Variants in EML1 observed in about 807,000 individuals in gnomAD.
EML1 encodes the protein EMAP like 1, also known as echinoderm microtubule-associated protein-like 1.
Under a neutral mutation model 110.4 loss-of-function variants are expected in EML1, and 27 were observed. The ratio of observed to expected loss-of-function variants is 0.24; its 90% CI spans 0.18 to 0.34. EML1 has a LOEUF of 0.34. Ranked by LOEUF, EML1 falls within the 10% of genes least tolerant of loss-of-function variation. EML1 has a pLI of 1.00. For synonymous variants in EML1, 344 were observed against 385.8 expected (o/e 0.89, Z 1.27); for missense variants, 741 against 1,030.9 (o/e 0.72, Z 3.85).
chr14:99,824,215 C>T (rs1444455948), intron 1 of EML1, among the ~76,000 whole-genome samples: 1 of 152,232 alleles, frequency 6.6e-6, no homozygotes, highest in East Asian at 1.9e-4. Context: ...CCGCCTCAGC[C>T]TCCCAAAGTG....
At chr14:99,935,143 G>A (rs1384666667) in intron 17 of EML1, among the ~76,000 whole-genome samples, 1 of 152,184 alleles carries the variant, frequency 6.6e-6, no homozygotes, top group Non-Finnish European at 1.5e-5. Flanking sequence ...TTCAGTGATT[G>A]GGACAGGGAG....
chr14:99,739,091 T>TGTGTGTGTGTGAGA (rs112232539), intron 1 of EML1, among the ~76,000 whole-genome samples: 1 of 136,400 alleles, frequency 7.3e-6, no homozygotes, highest in Non-Finnish European at 1.6e-5. Flanking sequence ...TGTGTGTGTG[T>TGTGTGTGTGTGAGA]GAGAGAGAGA....
At position 99,875,041 on chromosome 14, in the gene EML1, C is replaced by T. The variant is rs2059267006; in HGVS notation, c.384-3444C>T. On this transcript the variant is annotated intron_variant, in intron 3 of 21. Transcript: ENST00000262233. ...CCATAGCTGTTCCTTCCATTGTTTC[C>T]ATCTCTGTTTTAACGTAGTAGCTTC... 3.2e-6 allele frequency: 5 copies of T among 1,571,392 alleles called. No homozygotes were observed. The South Asian group carries it at 3.4e-5, about 11-fold the overall frequency.
chr14:99,873,370 A>G (rs1415415766), intron 3 of EML1, among the ~76,000 whole-genome samples: 1 of 152,246 alleles, frequency 6.6e-6, no homozygotes, highest in Non-Finnish European at 1.5e-5. Context: ...CAGCATTTGT[A>G]ATTGCACTGA....
chr14:99,870,599 C>T (rs1654144765), intron 3 of EML1, among the ~76,000 whole-genome samples: 1 of 152,164 alleles, frequency 6.6e-6, no homozygotes, highest in Admixed American at 6.5e-5. Context: ...CTTGTTAGGG[C>T]CTGATGTGGC....
rs540442473 is a variant in EML1, at chr14:99,794,827, T to C, written c.67+1284T>C. On this transcript the variant is annotated intron_variant, in intron 1 of 21. Coordinates refer to ENST00000262233, the MANE Select transcript of EML1 (RefSeq NM_004434.3). ...AGCCTCAGAAGGTGTTGAGGGCAGG[T>C]AGAATGTATTTGGTATGCTGGTGGT... Among the ~76,000 whole-genome samples, 3 of 152,282 alleles carry C rather than the reference T, an allele frequency of 2.0e-5. No individual in the cohort carries two copies. In the South Asian group the frequency reaches 6.2e-4, roughly 32 times the overall value.
intron 2 of EML1, among the ~76,000 whole-genome samples, chr14:99,852,873 T>C (rs2058835655): frequency 6.6e-6 from 1 of 152,220 alleles, no homozygotes; most frequent in Non-Finnish European, 1.5e-5. Context: ...ATAATCATTT[T>C]AAGTAATCTT....
chr14:99,910,899 C>A (rs1000238933), intron 12 of EML1, among the ~76,000 whole-genome samples: 2 of 152,148 alleles, frequency 1.3e-5, no homozygotes, highest in African/African-American at 2.4e-5. Flanking sequence ...GGAAAATCCA[C>A]CATCCCTTTT....
intron 17 of EML1, among the ~76,000 whole-genome samples, chr14:99,928,213 T>TG: frequency 1.1e-5 from 1 of 91,612 alleles, no homozygotes; most frequent in African/African-American, 4.5e-5. Context: ...GTGGTGATGG[T>TG]GATGGTGGTG....
rs141910618 is a variant in EML1, at chr14:99,838,792, CTT to C, written c.68-12060_68-12059del. On this transcript the variant is annotated intron_variant, in intron 1 of 21. Coordinates refer to ENST00000262233, the MANE Select transcript of EML1 (RefSeq NM_004434.3). The stretch of plus-strand genomic sequence containing the variant: ...TATTTTCTGCTCAGCTGCAGGATCT[CTT>C]GTTTGCTTTAAAACTGTAAAGTGGA... Among the ~76,000 whole-genome samples, 924 of 152,260 alleles carry C rather than the reference CTT, an allele frequency of 6.1e-3. 12 individuals carry two copies. The highest frequency in any genetic ancestry group is 0.021 in the African/African-American group (855 of 41,554).
intron 1 of EML1, among the ~76,000 whole-genome samples, chr14:99,746,132 C>T (rs2057104925): frequency 6.6e-6 from 1 of 152,208 alleles, no homozygotes; most frequent in Admixed American, 6.5e-5. Flanking sequence ...GTTATCATTC[C>T]ATTTTATAGA....
At chr14:99,787,515 G>T (rs1232930654) in intron 1 of EML1, among the ~76,000 whole-genome samples, 1 of 152,070 alleles carries the variant, frequency 6.6e-6, no homozygotes, top group Non-Finnish European at 1.5e-5. Flanking sequence ...CTGACCTCAG[G>T]TGATCTGCCT....
chr14:99,934,978 G>T (rs1211425016), intron 17 of EML1, among the ~76,000 whole-genome samples: 8 of 152,164 alleles, frequency 5.3e-5, no homozygotes, highest in Admixed American at 2.0e-4. Flanking sequence ...AACATACCAA[G>T]ATACCCCTGG....
intron 1 of EML1, among the ~76,000 whole-genome samples, chr14:99,764,450 G>A (rs926480831): frequency 1.3e-5 from 2 of 152,236 alleles, no homozygotes; most frequent in Admixed American, 1.3e-4. Context: ...AGAGCCCTGG[G>A]TTGGTCTTCC....
intron 1 of EML1, among the ~76,000 whole-genome samples, chr14:99,812,699 A>T (rs1295298009): frequency 2.0e-5 from 3 of 152,108 alleles, no homozygotes; most frequent in African/African-American, 7.2e-5. Flanking sequence ...CCTCCTCTGC[A>T]GGGTTGCAGA....
At chr14:99,790,774 C>T (rs1271117264), upstream of EML1, among the ~76,000 whole-genome samples, 3 of 152,098 alleles carry the variant, frequency 2.0e-5, no homozygotes, top group Non-Finnish European at 2.9e-5. Context: ...CTGTGCCAGG[C>T]GGGCGCAAGA....
chr14:99,862,393 G>A (rs2059016631), intron 2 of EML1, among the ~76,000 whole-genome samples: 1 of 152,208 alleles, frequency 6.6e-6, no homozygotes, highest in Non-Finnish European at 1.5e-5. Flanking sequence ...GCTGTTAGAA[G>A]GAAGTCAGTA....
intron 1 of EML1, among the ~76,000 whole-genome samples, chr14:99,739,862 G>A (rs936752852): frequency 2.0e-5 from 3 of 152,022 alleles, no homozygotes; most frequent in Non-Finnish European, 4.4e-5. Context: ...TTCAGTAACC[G>A]ATCCCCAAGC....
upstream of EML1, chr14:99,793,250 C>T (rs2057701469): frequency 2.4e-6 from 2 of 818,462 alleles, no homozygotes; most frequent in African/African-American, 1.9e-5. Flanking sequence ...CCGGCCCGGG[C>T]CCCGCGGCCG....
Sources: gnomAD v4.1 joint callset for allele counts (sites outside exome capture counted in the v4.1 genomes callset) on GRCh38, gnomAD v4.1.1 for gene constraint, MANE v1.5 for transcripts, NCBI Gene and HGNC (gene_info 2026-07-23, HGNC 2026-07-21) for gene names.